EVA1C: variants seen among roughly 807,000 people sequenced by gnomAD.
The protein encoded by EVA1C is protein eva-1 homolog C.
EVA1C carries 25 observed loss-of-function variants against 45.4 expected under a neutral mutation model. That is an observed-to-expected ratio of 0.55 (90% CI 0.40 to 0.77). The LOEUF (loss-of-function observed/expected upper bound fraction) is 0.77, where lower values mean the gene tolerates loss of function less well. Among genes scored for constraint, EVA1C ranks in the 30% least tolerant of loss-of-function variants. The probability of loss-of-function intolerance (pLI) is 0.00; values close to 1 mark genes in which losing one functional copy is unlikely to be tolerated. For synonymous variants in EVA1C, 190 were observed against 221.2 expected (o/e 0.86, Z 1.25); for missense variants, 479 against 554.8 (o/e 0.86, Z 1.37).
At position 32,499,386 on chromosome 21, in the gene EVA1C, A is replaced by C. The variant is rs192450222; in HGVS notation, c.779-2029A>C. Among the ~76,000 whole-genome samples, 8 of 152,308 alleles carry C rather than the reference A, an allele frequency of 5.3e-5. No individual in the cohort carries two copies. The East Asian group carries it at 1.5e-3, about 29-fold the overall frequency. On this transcript the variant is annotated intron_variant, in intron 5 of 7. Transcript: ENST00000300255. ...GGTCCCAGGATCAGTGGTGTGCCCC[A>C]AGGACAGCCAAGGGACATTCCTCAA...
At chr21:32,475,879 T>TACTCTATCTATCTATCTATC (rs1555867880) in intron 4 of EVA1C, among the ~76,000 whole-genome samples, 2 of 100,484 alleles carry the variant, frequency 2.0e-5, no homozygotes, top group African/African-American at 8.4e-5. Context: ...TCTAAAAACT[T>TACTCTATCTATCTATCTATC]TATCTATCTA....
chr21:32,456,482 AC>A (rs1314495510), intron 2 of EVA1C, among the ~76,000 whole-genome samples: 1 of 152,082 alleles, frequency 6.6e-6, no homozygotes, highest in Non-Finnish European at 1.5e-5. Context: ...TGAAAGCTGC[AC>A]CTTCTGGGGT....
intron 4 of EVA1C, among the ~76,000 whole-genome samples, chr21:32,485,336 T>C (rs888386858): frequency 6.6e-6 from 1 of 151,960 alleles, no homozygotes; most frequent in Admixed American, 6.6e-5. Context: ...CCTGGCTAAT[T>C]TTTTGTATTT....
At chr21:32,453,146 G>A in intron 1 of EVA1C, 166 bp from the exon 2 acceptor site, 1 of 527,812 alleles carries the variant, frequency 1.9e-6, no homozygotes, top group Non-Finnish European at 3.5e-6. Flanking sequence ...CCCCACCTCT[G>A]GGCCTGGTTT....
At chr21:32,497,418 G>A in intron 5 of EVA1C, 2 of 308,318 alleles carry the variant, frequency 6.5e-6, no homozygotes, top group Non-Finnish European at 6.1e-6. Context: ...CAGAAGACAA[G>A]GTATGAAGGT....
chr21:32,464,978 C>T (rs1205278635), intron 3 of EVA1C, among the ~76,000 whole-genome samples: 1 of 152,118 alleles, frequency 6.6e-6, no homozygotes, highest in Admixed American at 6.5e-5. Flanking sequence ...TTAAGGTGGG[C>T]GTTTTCAAAT....
Position 32,471,331 on chromosome 21 carries a change from CTTTTTTT to C in EVA1C, c.634+3490_634+3496del, listed in dbSNP as rs35525993. ...ACTCCCACTCCTTTTTTTCTTTTTT[CTTTTTTT>C]TTTTTTGAGACAGAGTCTCCGTCTG... is the stretch of plus-strand genomic sequence containing the variant. On this transcript the variant is annotated intron_variant, in intron 4 of 7. Coordinates refer to ENST00000300255, the MANE Select transcript of EVA1C (RefSeq NM_058187.5). Among the ~76,000 whole-genome samples the C allele has an allele frequency of 1.0e-4, 6 of 57,418 alleles. No homozygotes were observed. In the South Asian group the frequency reaches 3.3e-3, roughly 32 times the overall value. 37.7% of individuals were successfully genotyped at this position (57,418 alleles called of 152,430 possible).
intron 2 of EVA1C, among the ~76,000 whole-genome samples, chr21:32,456,535 C>G (rs191774016): frequency 6.6e-6 from 1 of 152,306 alleles, no homozygotes; most frequent in Admixed American, 6.5e-5. Flanking sequence ...TGAGACACAT[C>G]TGCTGGGCCC....
At chr21:32,514,755 G>A in intron 7 of EVA1C, 59 bp from the exon 8 acceptor site, 1 of 1,487,998 alleles carries the variant, frequency 6.7e-7, no homozygotes, top group Non-Finnish European at 8.9e-7. Context: ...TGTGGGACTT[G>A]GCACTGGTGG....
intron 1 of EVA1C, among the ~76,000 whole-genome samples, chr21:32,447,233 C>T (rs557679390): frequency 1.3e-5 from 2 of 152,188 alleles, no homozygotes; most frequent in South Asian, 4.2e-4. Context: ...ATTAGCTGGG[C>T]ATGGTGGCGG....
intron 1 of EVA1C, among the ~76,000 whole-genome samples, chr21:32,435,301 G>T (rs1297740587): frequency 6.6e-6 from 1 of 151,882 alleles, no homozygotes; most frequent in African/African-American, 2.4e-5. Context: ...CTACCCTCCT[G>T]TCTCAGCCTC....
At chr21:32,508,045 CTGTG>C (rs753719833) in intron 7 of EVA1C, among the ~76,000 whole-genome samples, 5 of 152,030 alleles carry the variant, frequency 3.3e-5, no homozygotes, top group South Asian at 2.1e-4. Context: ...GCGTGTGTAT[CTGTG>C]TGTGTAAGTG....
chr21:32,423,416 A>G (rs1029841479), intron 1 of EVA1C, among the ~76,000 whole-genome samples: 2 of 152,158 alleles, frequency 1.3e-5, no homozygotes, highest in African/African-American at 4.8e-5. Flanking sequence ...TAGATATGGT[A>G]CAACCTACTC....
chr21:32,440,313 C>T (rs1165398434), intron 1 of EVA1C, among the ~76,000 whole-genome samples: 3 of 152,054 alleles, frequency 2.0e-5, no homozygotes, highest in South Asian at 2.1e-4. Context: ...CGCTGTGTCC[C>T]GAAGAAAAGA....
At chr21:32,510,193 C>T (rs1282418662) in intron 7 of EVA1C, among the ~76,000 whole-genome samples, 5 of 151,840 alleles carry the variant, frequency 3.3e-5, no homozygotes, top group East Asian at 1.9e-4. Flanking sequence ...GGACTACAGG[C>T]GCACGCCACC....
At chr21:32,507,323 T>C (rs961260104) in intron 7 of EVA1C, among the ~76,000 whole-genome samples, 14 of 152,290 alleles carry the variant, frequency 9.2e-5, no homozygotes, top group African/African-American at 2.4e-4. Context: ...TAGAAAAACA[T>C]TGGAAATTAG....
intron 1 of EVA1C, among the ~76,000 whole-genome samples, chr21:32,418,511 G>C (rs183080974): frequency 5.9e-5 from 9 of 152,252 alleles, no homozygotes; most frequent in Admixed American, 3.3e-4. Context: ...AAAGGAAGAG[G>C]GTAAAAGTTA....
chr21:32,482,459 G>A lies in EVA1C; in HGVS notation c.635-12568G>A, dbSNP rs569895476. Among the ~76,000 whole-genome samples, 36 of 152,218 alleles carry A rather than the reference G, an allele frequency of 2.4e-4. No homozygotes were observed. In the South Asian group the frequency reaches 7.1e-3, roughly 30 times the overall value. ...TCACAGAAGAACTGAACCCCTTCAC[G>A]GTTCTCCAATGAGTAGAAGAGTTTC... On this transcript the variant is annotated intron_variant, in intron 4 of 7. Coordinates refer to ENST00000300255, the MANE Select transcript of EVA1C (RefSeq NM_058187.5).
At chr21:32,460,155 C>T (rs189339182) in intron 3 of EVA1C, among the ~76,000 whole-genome samples, 59 of 152,300 alleles carry the variant, frequency 3.9e-4, no homozygotes, top group African/African-American at 1.4e-3. Context: ...TCACATCCCA[C>T]AGAGATTCCC....
Sources: gnomAD v4.1 joint callset for allele counts (sites outside exome capture counted in the v4.1 genomes callset) on GRCh38, gnomAD v4.1.1 for gene constraint, MANE v1.5 for transcripts, NCBI Gene and HGNC (gene_info 2026-07-23, HGNC 2026-07-21) for gene names.